The following ST6GAL2 variants were observed in gnomAD, a reference collection of about 807,000 sequenced individuals.
The protein encoded by ST6GAL2 is ST6 beta-galactoside alpha-2,6-sialyltransferase 2.
In ST6GAL2, 24 loss-of-function variants were observed where a neutral mutation model predicts 37.5. The ratio of observed to expected loss-of-function variants is 0.64; its 90% CI spans 0.46 to 0.90. ST6GAL2 has a LOEUF of 0.90. Among genes scored for constraint, ST6GAL2 ranks in the 40% least tolerant of loss-of-function variants. ST6GAL2 has a pLI of 0.00. For missense variants in ST6GAL2, 715 were observed against 712.7 expected (o/e 1.00, Z -0.04); for synonymous variants, 306 against 295.1 (o/e 1.04, Z -0.38).
chr2:106,875,241 T>C (rs887804657), intron 1 of ST6GAL2, among the ~76,000 whole-genome samples: 13 of 151,280 alleles, frequency 8.6e-5, no homozygotes, highest in Admixed American at 5.3e-4. Flanking sequence ...CAGGGTGTGA[T>C]CTCAGCTCAC....
intron 4 of ST6GAL2, among the ~76,000 whole-genome samples, chr2:106,831,630 C>T (rs982373369): frequency 2.0e-5 from 3 of 152,162 alleles, no homozygotes; most frequent in African/African-American, 7.2e-5. Flanking sequence ...GAAAAATACT[C>T]TCCAGGTGAT....
At chr2:106,807,489 G>T (rs1245891237) in intron 5 of ST6GAL2, among the ~76,000 whole-genome samples, 1 of 152,168 alleles carries the variant, frequency 6.6e-6, no homozygotes, top group Non-Finnish European at 1.5e-5. Flanking sequence ...TGAATGGAAA[G>T]AAATGGAGTT....
intron 1 of ST6GAL2, among the ~76,000 whole-genome samples, chr2:106,867,525 G>A (rs768252641): frequency 2.6e-5 from 4 of 152,156 alleles, no homozygotes; most frequent in Admixed American, 6.5e-5. Context: ...TGATTTTGGA[G>A]ACAACAAAGG....
rs139225650 is a variant in ST6GAL2 at position 106,836,360 on chromosome 2, T to A, written c.944-2214A>T. Among the ~76,000 whole-genome samples the A allele has an allele frequency of 2.6e-3, 398 of 152,302 alleles. 2 individuals are homozygous for A. The highest frequency in any genetic ancestry group is 9.3e-3 in the African/African-American group (386 of 41,582). On this transcript the variant is annotated intron_variant, in intron 2 of 5. Coordinates refer to ENST00000409382, the MANE Select transcript of ST6GAL2 (RefSeq NM_001142351.2). ...TCCTTCCAAAGAACTGTGAATATTCTTCTTTGATACCTAACAAGACTCTAC... is the reference window on the plus strand; with the variant it reads ...TCCTTCCAAAGAACTGTGAATATTCATCTTTGATACCTAACAAGACTCTAC...
chr2:106,843,764 CA>C lies in ST6GAL2; in HGVS notation c.213del (p.Gly73AlafsTer101), dbSNP rs768990265. 6.2e-7 allele frequency: 1 copy of C among 1,609,988 alleles called. No individual in the cohort carries two copies. The highest frequency in any genetic ancestry group is 1.1e-5 in the South Asian group (1 of 90,990). ...AGCGCCTGGCGTGCGTCCAGGCCCC[CA>C]GGCGGGGAGGGCTCATGTGCGGCGC... Reference protein sequence around the residue: ...IMGAAHEPSPPGGLDARQALP... With the variant: ...IMGAAHEPSPXGGLDARQALP... On this transcript the variant is annotated frameshift_variant, in exon 2 of 6. Transcript: ENST00000409382. LOFTEE classifies it high-confidence loss of function.
rs1430662926 is a variant in ST6GAL2 at position 106,869,841 on chromosome 2, G to GCACCT, written c.-58+16247_-58+16251dup. On this transcript the variant is annotated intron_variant, in intron 1 of 5. Transcript: ENST00000409382. ...GGCTGGGCCTCCGACTGTCCTCTCT[G>GCACCT]CACCTCACCCCTTCCTGACACCAAG... 8.5e-5 allele frequency among the ~76,000 whole-genome samples: 13 copies of GCACCT among 152,276 alleles called. No individual in the cohort carries two copies. The East Asian group carries it at 1.5e-3, about 18-fold the overall frequency.
At chr2:106,879,525 A>G (rs897560182) in intron 1 of ST6GAL2, among the ~76,000 whole-genome samples, 2 of 151,952 alleles carry the variant, frequency 1.3e-5, no homozygotes, top group African/African-American at 4.8e-5. Context: ...CCCAGCTACT[A>G]ATTTTGAACA....
At chr2:106,850,641 T>C (rs189749958) in intron 1 of ST6GAL2, among the ~76,000 whole-genome samples, 3 of 152,282 alleles carry the variant, frequency 2.0e-5, no homozygotes, top group African/African-American at 7.2e-5. Flanking sequence ...ATCTGCATCA[T>C]GGGTCTCAGT....
Position 106,806,755 on chromosome 2 carries a change from G to A in ST6GAL2, c.1513C>T (p.Arg505Cys), listed in dbSNP as rs772145681. The part of the protein sequence containing the change: ...LNMGTQGDLH[R>C]KGKVVLPGFQ... ...CCGGGAAGAACCACCTTGCCCTTGC[G>A]ATGCAAATCCCCCTGCGTGCCCATG... Residue 505 changes from arginine to cysteine, a missense_variant, in exon 6 of 6, where the codon CGC (arginine) becomes TGC (cysteine). Transcript: ENST00000409382. 5.6e-6 allele frequency: 9 copies of A among 1,614,166 alleles called. No individual in the cohort carries two copies. Among genetic ancestry groups the A allele is most frequent in the Admixed American group, 1.7e-5 (1 of 60,022 alleles).
chr2:106,867,441 A>G (rs1175218111), intron 1 of ST6GAL2, among the ~76,000 whole-genome samples: 1 of 151,898 alleles, frequency 6.6e-6, no homozygotes, highest in Non-Finnish European at 1.5e-5. Flanking sequence ...TGCTTTCTCC[A>G]TTCATTGAAC....
chr2:106,872,326 G>A (rs551390292), intron 1 of ST6GAL2, among the ~76,000 whole-genome samples: 2 of 152,308 alleles, frequency 1.3e-5, no homozygotes, highest in South Asian at 4.1e-4. Flanking sequence ...CTGAGTTTGT[G>A]CTTATGTTGT....
At chr2:106,830,299 G>C (rs1676370071) in intron 4 of ST6GAL2, 59 bp from the exon 5 acceptor site, 2 of 1,457,726 alleles carry the variant, frequency 1.4e-6, no homozygotes, top group Non-Finnish European at 9.4e-7. Context: ...AAAGGAGACA[G>C]GGCATGGCTG....
At chr2:106,886,798 C>T (rs1352223850), upstream of ST6GAL2, among the ~76,000 whole-genome samples, 1 of 151,822 alleles carries the variant, frequency 6.6e-6, no homozygotes, top group African/African-American at 2.4e-5. Flanking sequence ...CCCGGCAGCT[C>T]GGCCCGCCGG....
chr2:106,846,394 C>A (rs1677146754), intron 1 of ST6GAL2, among the ~76,000 whole-genome samples: 1 of 152,124 alleles, frequency 6.6e-6, no homozygotes, highest in Non-Finnish European at 1.5e-5. Flanking sequence ...GCTGAGTAAA[C>A]TCCTACATTT....
chr2:106,882,678 T>C (rs532847702), intron 1 of ST6GAL2, among the ~76,000 whole-genome samples: 2 of 152,342 alleles, frequency 1.3e-5, no homozygotes, highest in East Asian at 3.9e-4. Context: ...GATAAGGCTG[T>C]CTTTCTCCAG....
chr2:106,828,466 G>C (rs1457068343), intron 5 of ST6GAL2, among the ~76,000 whole-genome samples: 2 of 152,254 alleles, frequency 1.3e-5, no homozygotes, highest in Admixed American at 6.5e-5. Context: ...AAAGGCATGA[G>C]TTTAAAAGGG....
Position 106,830,183 on chromosome 2 carries a change from T to C in ST6GAL2, c.1201A>G (p.Asn401Asp). 1.2e-6 allele frequency: 2 copies of C among 1,613,956 alleles called. No homozygotes were observed. The highest frequency in any genetic ancestry group is 1.7e-6 in the Non-Finnish European group (2 of 1,180,018). ...FTPYIQHRQRNPNQPFYILHP... is the reference protein window; with the variant it reads ...FTPYIQHRQRDPNQPFYILHP... ...AGAATGTAAAATGGCTGATTTGGGT[T>C]TCTCTGACGATGCTGAATATATGGA... Residue 401 changes from asparagine (N) to aspartate (D), a missense_variant, in exon 5 of 6, where the codon AAC (asparagine) becomes GAC (aspartate). This residue lies in a region of ST6GAL2 where 198 missense variants were observed against 203.6 expected (regional missense o/e 0.97). Transcript: ENST00000409382.
In ST6GAL2 at chr2:106,861,847, G is replaced by T. The variant is rs141319122; in HGVS notation, c.-57-17813C>A. 4.4e-4 allele frequency among the ~76,000 whole-genome samples: 67 copies of T among 152,178 alleles called. 1 individual carries two copies. The highest frequency in any genetic ancestry group is 1.5e-3 in the African/African-American group (63 of 41,518). Reference sequence around the variant, plus strand: ...GGGTTTTACCGTGTTGGCCAGGCTGGTCTTGAACTCCTGACCTCAAGTGAT... The same window carrying T: ...GGGTTTTACCGTGTTGGCCAGGCTGTTCTTGAACTCCTGACCTCAAGTGAT... On this transcript the variant is annotated intron_variant, in intron 1 of 5. Transcript: ENST00000409382.
In ST6GAL2 at chr2:106,830,228, G is replaced by GT. The variant is rs1261813632; in HGVS notation, c.1155dup (p.Pro386ThrfsTer27). 1 of 1,609,080 alleles carries GT rather than the reference G, an allele frequency of 6.2e-7. No individual in the cohort carries two copies. Among genetic ancestry groups the GT allele is most frequent in the Non-Finnish European group, 8.5e-7 (1 of 1,178,250 alleles). ...TATGGAGTGAACAGGTTGTAATCCG[G>GT]TTTTTTGTACCACTAAGGAAAAAAA... On this transcript the variant is annotated frameshift_variant, in exon 5 of 6. Transcript: ENST00000409382. LOFTEE classifies it high-confidence loss of function.
Sources: allele counts gnomAD v4.1 joint callset (sites outside exome capture counted in the v4.1 genomes callset), GRCh38; gene constraint gnomAD v4.1.1; regional missense constraint gnomAD v4.1.1; transcripts MANE v1.5; gene names NCBI Gene and HGNC (gene_info 2026-07-23, HGNC 2026-07-21).